Variants in CDH7 observed in about 807,000 individuals in gnomAD.
CDH7 encodes cadherin-7.
In CDH7, 25 loss-of-function variants were observed where a neutral mutation model predicts 71.8. The ratio of observed to expected loss-of-function variants is 0.35; its 90% CI spans 0.25 to 0.49. The LOEUF is 0.49. Among genes scored for constraint, CDH7 ranks in the 20% least tolerant of loss-of-function variants. The pLI, the probability that CDH7 is intolerant of heterozygous loss-of-function variation, is 0.99. For missense variants in CDH7, 862 were observed against 974.6 expected (o/e 0.88, Z 1.54); for synonymous variants, 381 against 363.8 (o/e 1.05, Z -0.54).
intron 2 of CDH7, among the ~76,000 whole-genome samples, chr18:65,796,615 G>A (rs1910926217): frequency 2.0e-5 from 3 of 152,098 alleles, no homozygotes; most frequent in South Asian, 4.2e-4. Context: ...GGTTCAACCT[G>A]TTTTGTAGAT....
intron 3 of CDH7, among the ~76,000 whole-genome samples, chr18:65,810,657 A>T (rs1331920795): frequency 1.3e-5 from 2 of 150,246 alleles, no homozygotes; most frequent in African/African-American, 4.9e-5. Context: ...ATCACCTAGT[A>T]TTAAGCCCAG....
At chr18:65,767,093 C>T (rs67819407) in intron 2 of CDH7, among the ~76,000 whole-genome samples, 54,287 of 136,218 alleles carry the variant, frequency 0.4, 11,705 homozygotes, top group African/African-American at 0.6. Flanking sequence ...CTCTTTCTTT[C>T]TTTTTTTTTT....
intron 2 of CDH7, among the ~76,000 whole-genome samples, chr18:65,783,992 T>C (rs929163296): frequency 6.6e-6 from 1 of 152,048 alleles, no homozygotes. Flanking sequence ...TCAGGCTCTG[T>C]GCAGGCTGGA....
intron 11 of CDH7, among the ~76,000 whole-genome samples, chr18:65,874,820 C>T (rs1229290291): frequency 8.5e-5 from 13 of 152,064 alleles, no homozygotes; most frequent in East Asian, 1.9e-4. Flanking sequence ...CAGATGACAT[C>T]GGCAGAATTC....
At chr18:65,794,642 C>A (rs1910842325) in intron 2 of CDH7, among the ~76,000 whole-genome samples, 1 of 151,168 alleles carries the variant, frequency 6.6e-6, no homozygotes, top group Admixed American at 6.6e-5. Context: ...ACGTTTTTGC[C>A]TTAATAATGG....
intron 4 of CDH7, among the ~76,000 whole-genome samples, chr18:65,816,035 A>C (rs1047713775): frequency 1.3e-5 from 2 of 152,216 alleles, no homozygotes; most frequent in Admixed American, 1.3e-4. Context: ...GCAAAATAAC[A>C]GGATTTCCCT....
rs1568181257 is a variant in CDH7, at chr18:65,781,771, C to CTTTCTTTCTTTCTTTCTATCTTTCT, written c.210+18721_210+18722insTCTTTCTTTCTTTCTATCTTTCTTT. 5.1e-5 allele frequency among the ~76,000 whole-genome samples: 2 copies of CTTTCTTTCTTTCTTTCTATCTTTCT among 39,088 alleles called. 1 individual carries two copies. Among genetic ancestry groups the CTTTCTTTCTTTCTTTCTATCTTTCT allele is most frequent in the Non-Finnish European group, 1.0e-4 (2 of 19,428 alleles). 25.6% of individuals were successfully genotyped at this position (39,088 alleles called of 152,430 possible). Reference sequence around the variant, plus strand: ...GTTGATTTCTTTCTTTCTTTCTTTCCTTCCTTCCTTCCTTCCTTCCTTCCT... The same window carrying CTTTCTTTCTTTCTTTCTATCTTTCT: ...GTTGATTTCTTTCTTTCTTTCTTTCCTTTCTTTCTTTCTTTCTATCTTTCTTTCCTTCCTTCCTTCCTTCCTTCCT... On this transcript the variant is annotated intron_variant, in intron 2 of 11. Coordinates refer to ENST00000397968, the MANE Select transcript of CDH7 (RefSeq NM_004361.5).
intron 11 of CDH7, chr18:65,865,712 C>T (rs979682033): frequency 3.9e-5 from 6 of 151,990 alleles, no homozygotes; most frequent in Non-Finnish European, 7.4e-5. Context: ...TTAGTTTTGT[C>T]GCCACTATTA....
chr18:65,858,086 T>C (rs1722272584), intron 8 of CDH7, 134 bp downstream of exon 8: 7 of 725,814 alleles, frequency 9.6e-6, no homozygotes, highest in Admixed American at 9.4e-5. Context: ...AATACCAAAT[T>C]TCTAAGCTGT....
At chr18:65,860,422 TATC>T (rs1913522469) in intron 10 of CDH7, among the ~76,000 whole-genome samples, 1 of 152,184 alleles carries the variant, frequency 6.6e-6, no homozygotes, top group Non-Finnish European at 1.5e-5. Flanking sequence ...GTTTCCTAAA[TATC>T]ATTATAGTAA....
Position 65,850,334 on chromosome 18 carries a change from A to G in CDH7, c.1235+6269A>G, listed in dbSNP as rs147768188. The stretch of plus-strand genomic sequence containing the variant: ...TGTACTATCCTCTTAACATTCTTTA[A>G]TTATAATCAACAGTAATTGGCCACA... On this transcript the variant is annotated intron_variant, in intron 7 of 11. Coordinates refer to ENST00000397968, the MANE Select transcript of CDH7 (RefSeq NM_004361.5). Among the ~76,000 whole-genome samples the G allele has an allele frequency of 3.1e-3, 467 of 151,552 alleles. 2 individuals carry two copies. The highest frequency in any genetic ancestry group is 0.011 in the African/African-American group (446 of 41,384).
At chr18:65,834,383 C>A (rs1248226587) in intron 6 of CDH7, among the ~76,000 whole-genome samples, 1 of 152,080 alleles carries the variant, frequency 6.6e-6, no homozygotes, top group African/African-American at 2.4e-5. Flanking sequence ...TATGCACATG[C>A]ATGGCAATCA....
intron 2 of CDH7, among the ~76,000 whole-genome samples, chr18:65,801,288 CTAGTT>C (rs1911114312): frequency 6.6e-6 from 1 of 152,146 alleles, no homozygotes; most frequent in African/African-American, 2.4e-5. Flanking sequence ...TCAGGACAAT[CTAGTT>C]TAGGCATCGG....
chr18:65,872,489 A>G (rs1468181107), intron 11 of CDH7, among the ~76,000 whole-genome samples: 1 of 152,070 alleles, frequency 6.6e-6, no homozygotes, highest in Non-Finnish European at 1.5e-5. Flanking sequence ...GTGCCTGGAG[A>G]TAGTGGAGAG....
chr18:65,794,606 C>A (rs545841156), intron 2 of CDH7, among the ~76,000 whole-genome samples: 10 of 150,720 alleles, frequency 6.6e-5, no homozygotes, highest in African/African-American at 2.0e-4. Flanking sequence ...AAAAAAAAAA[C>A]CTGAAAATTT....
intron 2 of CDH7, among the ~76,000 whole-genome samples, chr18:65,771,701 A>G (rs1349629519): frequency 6.6e-6 from 1 of 151,838 alleles, no homozygotes; most frequent in East Asian, 1.9e-4. Flanking sequence ...ACAGTATTAG[A>G]AAAATAGTTT....
At chr18:65,796,474 C>A (rs1910919494) in intron 2 of CDH7, among the ~76,000 whole-genome samples, 1 of 152,134 alleles carries the variant, frequency 6.6e-6, no homozygotes, top group Non-Finnish European at 1.5e-5. Flanking sequence ...TTGTGCAGTT[C>A]CTGGGATGTA....
chr18:65,767,804 G>T (rs1916421299), intron 2 of CDH7, among the ~76,000 whole-genome samples: 1 of 152,158 alleles, frequency 6.6e-6, no homozygotes, highest in Admixed American at 6.5e-5. Context: ...GTTATATTCA[G>T]CTCTTATAAT....
At chr18:65,842,320 A>G (rs1912762514) in intron 6 of CDH7, among the ~76,000 whole-genome samples, 2 of 152,088 alleles carry the variant, frequency 1.3e-5, no homozygotes. Flanking sequence ...GAGAGATATT[A>G]AATAAGCATT....
Sources: gnomAD v4.1 joint callset for allele counts (sites outside exome capture counted in the v4.1 genomes callset) on GRCh38, gnomAD v4.1.1 for gene constraint, MANE v1.5 for transcripts, NCBI Gene and HGNC (gene_info 2026-07-23, HGNC 2026-07-21) for gene names.